METAP1: variants seen among roughly 807,000 people sequenced by gnomAD.
METAP1 encodes the protein methionine aminopeptidase 1.
METAP1 carries 28 observed loss-of-function variants against 53.8 expected under a neutral mutation model. The observed-to-expected ratio is 0.52, with a 90% CI of 0.39 to 0.71. The LOEUF (loss-of-function observed/expected upper bound fraction) is 0.71, where lower values mean the gene tolerates loss of function less well. METAP1 is among the 30% of genes least tolerant of loss of function. METAP1 has a pLI of 0.00. For missense variants in METAP1, 389 were observed against 479.8 expected (o/e 0.81, Z 1.77); for synonymous variants, 181 against 165.7 (o/e 1.09, Z -0.71).
intron 1 of METAP1, among the ~76,000 whole-genome samples, chr4:99,017,362 A>G (rs1723826532): frequency 6.6e-6 from 1 of 152,242 alleles, no homozygotes; most frequent in African/African-American, 2.4e-5. Context: ...AATAGTTCAC[A>G]GCCTTCGGCG....
chr4:99,007,264 G>A (rs919086972), intron 1 of METAP1, among the ~76,000 whole-genome samples: 2 of 152,086 alleles, frequency 1.3e-5, no homozygotes, highest in Admixed American at 6.6e-5. Flanking sequence ...ACCGTGAAAC[G>A]CTGTTGACAA....
intron 1 of METAP1, chr4:99,026,908 CAT>C: frequency 1.1e-6 from 1 of 928,330 alleles, no homozygotes; most frequent in Non-Finnish European, 1.3e-6. Context: ...ACTTTATGCT[CAT>C]ATATCTTGAA....
intron 1 of METAP1, among the ~76,000 whole-genome samples, chr4:99,007,626 C>T (rs925942321): frequency 2.0e-5 from 3 of 151,844 alleles, no homozygotes; most frequent in African/African-American, 7.3e-5. Flanking sequence ...TACGTTCCAC[C>T]ATTCCTACCA....
intron 1 of METAP1, chr4:99,022,180 G>C: frequency 2.9e-6 from 1 of 347,466 alleles, no homozygotes; most frequent in Non-Finnish European, 5.1e-6. Flanking sequence ...AAACTTCCAC[G>C]TTTGGGCCCT....
chr4:99,028,886 G>A lies in METAP1; in HGVS notation c.134G>A (p.Trp45Ter). 6.5e-7 allele frequency: 1 copy of A among 1,544,510 alleles called. No homozygotes were observed. Among genetic ancestry groups the A allele is most frequent in the Non-Finnish European group, 8.8e-7 (1 of 1,142,744 alleles). ...FCSQECFKGS[W>*]ATHKLLHKKA... ...TTTTAGGAATGTTTTAAAGGAAGTT[G>A]GGCTACTCACAAGTTACTACATAAG... The change falls in exon 2 of 11, where the codon TGG (tryptophan) becomes TAG (stop). Residue 45 changes from tryptophan to a stop codon, truncating the protein, a stop_gained. Coordinates refer to ENST00000296411, the MANE Select transcript of METAP1 (RefSeq NM_015143.3). LOFTEE classifies it high-confidence loss of function.
At position 99,045,358 on chromosome 4, in the gene METAP1, G is replaced by A. The variant is rs202208009; in HGVS notation, c.787+48G>A. 3.2e-5 allele frequency: 51 copies of A among 1,600,810 alleles called. 1 individual carries two copies. In the Middle Eastern group the frequency reaches 5.2e-4, roughly 16 times the overall value. ...TATTGGCAGTCCTGTGTGTTGATGG[G>A]CCAAGAATGACTGGGCGCTGCAGTT... On this transcript the variant is annotated intron_variant, in intron 8 of 10. Transcript: ENST00000296411.
intron 1 of METAP1, among the ~76,000 whole-genome samples, chr4:99,027,175 C>G (rs981373471): frequency 4.6e-5 from 7 of 152,058 alleles, no homozygotes; most frequent in African/African-American, 1.7e-4. Flanking sequence ...CCCCTTTGCC[C>G]TTTGAAGGTT....
At chr4:99,039,298 A>T in intron 4 of METAP1, 76 bp from the exon 5 acceptor site, 1 of 828,320 alleles carries the variant, frequency 1.2e-6, no homozygotes, top group Non-Finnish European at 2.0e-6. Context: ...TTTTTATGCC[A>T]CAGGTTTATA....
chr4:99,042,578 G>A (rs1037613294), intron 6 of METAP1, among the ~76,000 whole-genome samples: 1 of 151,890 alleles, frequency 6.6e-6, no homozygotes, highest in East Asian at 1.9e-4. Flanking sequence ...GTACTTTACC[G>A]TTTCTTAATT....
At chr4:99,037,598 A>G (rs1264998848) in intron 4 of METAP1, among the ~76,000 whole-genome samples, 2 of 151,876 alleles carry the variant, frequency 1.3e-5, no homozygotes, top group South Asian at 2.1e-4. Context: ...AGTGCAACCT[A>G]TATTGTTGTA....
intron 9 of METAP1, among the ~76,000 whole-genome samples, chr4:99,053,694 A>C (rs1327273977): frequency 6.6e-6 from 1 of 152,186 alleles, no homozygotes; most frequent in African/African-American, 2.4e-5. Flanking sequence ...CTTGAAAGTC[A>C]AAATTCCTTC....
intron 9 of METAP1, among the ~76,000 whole-genome samples, chr4:99,055,136 A>AT (rs1258238928): frequency 1.3e-5 from 2 of 152,292 alleles, no homozygotes; most frequent in Non-Finnish European, 2.9e-5. Flanking sequence ...CATACCTGTA[A>AT]TTCCAGCACC....
intron 9 of METAP1, among the ~76,000 whole-genome samples, chr4:99,056,641 G>A (rs1179329864): frequency 6.9e-6 from 1 of 145,626 alleles, no homozygotes; most frequent in East Asian, 2.1e-4. Flanking sequence ...CACAATCTCG[G>A]CTCACTGCAA....
intron 1 of METAP1, among the ~76,000 whole-genome samples, chr4:99,009,482 A>G (rs1321679122): frequency 6.6e-6 from 1 of 152,234 alleles, no homozygotes; most frequent in Non-Finnish European, 1.5e-5. Flanking sequence ...CAATTCCAAC[A>G]CAATGTACAA....
intron 1 of METAP1, chr4:99,022,556 C>T: frequency 3.1e-6 from 2 of 641,122 alleles, no homozygotes; most frequent in East Asian, 2.6e-5. Flanking sequence ...AAGCATTGTC[C>T]CCATTCCACA....
chr4:99,039,566 G>T (rs1042601810), intron 5 of METAP1, 101 bp downstream of exon 5: 13 of 610,352 alleles, frequency 2.1e-5, no homozygotes, highest in South Asian at 7.6e-5. Context: ...ATGTTATATT[G>T]TTAGACTGAC....
chr4:99,014,775 G>A (rs1363464115), intron 1 of METAP1, among the ~76,000 whole-genome samples: 1 of 152,134 alleles, frequency 6.6e-6, no homozygotes, highest in Non-Finnish European at 1.5e-5. Flanking sequence ...AGTGCCCCCC[G>A]ACATTACCAC....
chr4:99,007,704 G>A (rs931678800), intron 1 of METAP1, among the ~76,000 whole-genome samples: 1 of 152,092 alleles, frequency 6.6e-6, no homozygotes, highest in African/African-American at 2.4e-5. Context: ...TTTCAATTAG[G>A]AGCTTTGGAT....
chr4:99,026,027 C>A (rs1213432397), intron 1 of METAP1, among the ~76,000 whole-genome samples: 5 of 152,172 alleles, frequency 3.3e-5, no homozygotes, highest in African/African-American at 9.6e-5. Context: ...TTAAGTCTTA[C>A]ATGTATTGAT....
Sources: allele counts gnomAD v4.1 joint callset (sites outside exome capture counted in the v4.1 genomes callset), GRCh38; gene constraint gnomAD v4.1.1; transcripts MANE v1.5; gene names NCBI Gene and HGNC (gene_info 2026-07-23, HGNC 2026-07-21).